Variants in SYCP2L observed in about 807,000 individuals in gnomAD.
SYCP2L encodes the protein synaptonemal complex protein 2-like.
In SYCP2L, 98 loss-of-function variants were observed where a neutral mutation model predicts 125.8. The observed-to-expected ratio is 0.78, with a 90% CI of 0.66 to 0.92. The LOEUF (loss-of-function observed/expected upper bound fraction) is 0.92. SYCP2L is among the 40% of genes least tolerant of loss of function. The probability of loss-of-function intolerance (pLI) is 0.00; values close to 1 mark genes in which losing one functional copy is unlikely to be tolerated. For missense variants in SYCP2L, 842 were observed against 936.4 expected, an observed-to-expected ratio of 0.90 and a Z score of 1.32; for synonymous variants, 317 against 325.4, an observed-to-expected ratio of 0.97 and a Z score of 0.28.
intron 28 of SYCP2L, among the ~76,000 whole-genome samples, 158 bp downstream of exon 28, chr6:10,961,716 G>A (rs1781596588): frequency 6.6e-6 from 1 of 152,200 alleles, no homozygotes; most frequent in African/African-American, 2.4e-5. Flanking sequence ...CCTGAGGACA[G>A]AGTGCGGCTA....
chr6:10,927,184 T>A (rs1780912394), intron 16 of SYCP2L, 56 bp from the exon 17 acceptor site: 1 of 1,598,656 alleles, frequency 6.3e-7, no homozygotes, highest in African/African-American at 1.3e-5. Flanking sequence ...AGACCACTGG[T>A]GAGTATGTCA....
intron 8 of SYCP2L, among the ~76,000 whole-genome samples, chr6:10,905,252 G>A (rs1581819532): frequency 6.7e-6 from 1 of 148,632 alleles, no homozygotes; most frequent in Non-Finnish European, 1.5e-5. Flanking sequence ...TTACAATAAT[G>A]TAATAACTTA....
In SYCP2L at chr6:10,953,276, C is replaced by G. The variant is rs72823356; in HGVS notation, c.1955-1840C>G. ...CCTCCAAAAGGTAGTTTTATCAGAT[C>G]TTAAAGTGCTAAATATATTAACTGC... On this transcript the variant is annotated intron_variant, in intron 23 of 29. Transcript: ENST00000283141. Among the ~76,000 whole-genome samples the G allele has an allele frequency of 7.9e-4, 120 of 152,168 alleles. No homozygotes were observed. In the Middle Eastern group the frequency reaches 0.01, roughly 13 times the overall value.
At position 10,898,604 on chromosome 6, in the gene SYCP2L, GGTGAT is replaced by G. The variant is rs1224259022; in HGVS notation, c.442-219_442-215del. Among the ~76,000 whole-genome samples, 3 of 152,132 alleles carry G rather than the reference GGTGAT, an allele frequency of 2.0e-5. No individual in the cohort carries two copies. The East Asian group carries it at 5.8e-4, about 29-fold the overall frequency. On this transcript the variant is annotated intron_variant, in intron 5 of 29. Coordinates refer to ENST00000283141, the MANE Select transcript of SYCP2L (RefSeq NM_001040274.3). ...TATATAACCGATGTTAAAAATGAGA[GGTGAT>G]TTATTATCATACAAATATATTAGTC...
intron 23 of SYCP2L, among the ~76,000 whole-genome samples, chr6:10,950,883 ACT>A (rs1714513913): frequency 6.6e-6 from 1 of 151,372 alleles, no homozygotes; most frequent in African/African-American, 2.4e-5. Context: ...CTGGTCTTGA[ACT>A]CTTGGACTCA....
At chr6:10,887,862 G>T (rs991252155) in intron 1 of SYCP2L, among the ~76,000 whole-genome samples, 1 of 152,180 alleles carries the variant, frequency 6.6e-6, no homozygotes, top group Admixed American at 6.5e-5. Flanking sequence ...TGGGGAAACA[G>T]ATTTGGGACA....
chr6:10,960,213 T>C lies in SYCP2L; in HGVS notation c.2256-1092T>C, dbSNP rs79066322. Among the ~76,000 whole-genome samples, 1,198 of 152,334 alleles carry C rather than the reference T, an allele frequency of 7.9e-3. 19 individuals are homozygous for C. The highest frequency in any genetic ancestry group is 0.027 in the African/African-American group (1,114 of 41,570). On this transcript the variant is annotated intron_variant, in intron 26 of 29. Coordinates refer to ENST00000283141, the MANE Select transcript of SYCP2L (RefSeq NM_001040274.3). Reference sequence around the variant, plus strand: ...GGAATGGCAAGTTGATTTGCTTAACTGAGACAGAAATTTTCTTAGGATGGA... The same window carrying C: ...GGAATGGCAAGTTGATTTGCTTAACCGAGACAGAAATTTTCTTAGGATGGA...
At chr6:10,907,802 C>A in intron 10 of SYCP2L, 118 bp downstream of exon 10, 1 of 938,078 alleles carries the variant, frequency 1.1e-6, no homozygotes, top group Non-Finnish European at 1.6e-6. Context: ...GATTACACTG[C>A]CATTCTTGAA....
chr6:10,908,742 G>C (rs1780552286), intron 10 of SYCP2L, among the ~76,000 whole-genome samples: 1 of 152,144 alleles, frequency 6.6e-6, no homozygotes, highest in Non-Finnish European at 1.5e-5. Flanking sequence ...ACTGCATAAA[G>C]TAATTCTTTA....
chr6:10,924,460 T>TA (rs753124210), intron 14 of SYCP2L, 36 bp from the exon 15 acceptor site: 3 of 1,473,522 alleles, frequency 2.0e-6, no homozygotes, highest in Non-Finnish European at 2.7e-6. Context: ...CATTGAAGTA[T>TA]GTTGCTATGC....
chr6:10,927,915 G>T (rs1207894421), intron 17 of SYCP2L, among the ~76,000 whole-genome samples: 2 of 152,126 alleles, frequency 1.3e-5, no homozygotes, highest in African/African-American at 4.8e-5. Flanking sequence ...TATGTTCCTT[G>T]CTGAGAAAAA....
In SYCP2L at chr6:10,970,854, C is replaced by T. The variant is rs144115561; in HGVS notation, c.*38-3098C>T. On this transcript the variant is annotated intron_variant, in intron 29 of 29. Transcript: ENST00000283141. ...AGTATAGAGAGGAAGCCCAGGACAA[C>T]ATTCTTGGGCTACTCCAGTGTGTTG... Among the ~76,000 whole-genome samples the T allele has an allele frequency of 3.2e-3, 490 of 152,170 alleles. 3 individuals carry two copies. The highest frequency in any genetic ancestry group is 0.011 in the African/African-American group (470 of 41,522).
At position 10,902,735 on chromosome 6, in the gene SYCP2L, G is replaced by T. The variant is rs949303454; in HGVS notation, c.525G>T (p.Lys175Asn). The change falls in exon 7 of 30, where the codon AAG becomes AAT. Residue 175 changes from lysine (K) to asparagine (N), a missense_variant. Lys to Asn is a moderately conservative substitution (Grantham distance 94). Coordinates refer to ENST00000283141, the MANE Select transcript of SYCP2L (RefSeq NM_001040274.3). ...GCTTAGGATTCCTGGTGACAGAAAA[G>T]ACTGTAAATCATTTGCTTCAACAGG... ...LLSLGFLVTE[K>N]TVNHLLQQEG... is the part of the protein sequence containing the mutation. The T allele has an allele frequency of 1.4e-5, 22 of 1,614,162 alleles. No homozygotes were observed. Among genetic ancestry groups the T allele is most frequent in the Non-Finnish European group, 1.9e-5 (22 of 1,180,026 alleles).
At chr6:10,913,540 A>C (rs1376398527) in intron 14 of SYCP2L, among the ~76,000 whole-genome samples, 1 of 151,886 alleles carries the variant, frequency 6.6e-6, no homozygotes, top group African/African-American at 2.4e-5. Context: ...TTGTCTATTC[A>C]TGTCCTTACC....
chr6:10,914,491 T>C (rs1034555919), intron 14 of SYCP2L, among the ~76,000 whole-genome samples: 1 of 152,188 alleles, frequency 6.6e-6, no homozygotes, highest in African/African-American at 2.4e-5. Flanking sequence ...ACGTGGGCTC[T>C]TTTTGGTTCC....
intron 25 of SYCP2L, among the ~76,000 whole-genome samples, chr6:10,957,690 A>C (rs1262454480): frequency 1.3e-5 from 2 of 152,160 alleles, no homozygotes; most frequent in East Asian, 3.8e-4. Flanking sequence ...GGTGACATAC[A>C]CATGTAGTCC....
intron 25 of SYCP2L, among the ~76,000 whole-genome samples, chr6:10,958,328 A>C (rs1406940505): frequency 6.6e-6 from 1 of 152,060 alleles, no homozygotes; most frequent in Non-Finnish European, 1.5e-5. Context: ...TCATGGTGGA[A>C]GGCCAAGGGG....
At position 10,942,533 on chromosome 6, in the gene SYCP2L, C is replaced by G. The variant is rs376121113; in HGVS notation, c.1884+4C>G. 1 of 1,601,600 alleles carries G rather than the reference C, an allele frequency of 6.2e-7. No individual in the cohort carries two copies. Among genetic ancestry groups the G allele is most frequent in the African/African-American group, 1.3e-5 (1 of 74,292 alleles). ...AGAAGATGAAGAAAAACCTAAGGTA[C>G]TATTTAATTGTTGGTTATTCATCTG... On this transcript the variant is annotated splice_donor_region_variant and intron_variant, in intron 22 of 29. Coordinates refer to ENST00000283141, the MANE Select transcript of SYCP2L (RefSeq NM_001040274.3).
chr6:10,957,226 T>G (rs1369235683), intron 25 of SYCP2L, among the ~76,000 whole-genome samples: 2 of 152,244 alleles, frequency 1.3e-5, no homozygotes, highest in Non-Finnish European at 2.9e-5. Flanking sequence ...TTCATATTAC[T>G]TATCAATGCT....
Sources: gnomAD v4.1 joint callset for allele counts (sites outside exome capture counted in the v4.1 genomes callset) on GRCh38, gnomAD v4.1.1 for gene constraint, MANE v1.5 for transcripts, NCBI Gene and HGNC (gene_info 2026-07-23, HGNC 2026-07-21) for gene names.